The following SP4 variants were observed in gnomAD, a reference collection of about 807,000 sequenced individuals.
The protein encoded by SP4 is Sp4 transcription factor, also known as transcription factor Sp4.
Under a neutral mutation model 72.8 loss-of-function variants are expected in SP4, and 19 were observed. The observed-to-expected ratio is 0.26, with a 90% CI of 0.18 to 0.38. The LOEUF is 0.38. SP4 is among the 10% of genes least tolerant of loss of function. SP4 has a pLI of 1.00. For synonymous variants in SP4, 395 were observed against 333.1 expected, an observed-to-expected ratio of 1.19 and a Z score of -2.02; for missense variants, 1,008 against 926.3, an observed-to-expected ratio of 1.09 and a Z score of -1.14.
intron 5 of SP4, among the ~76,000 whole-genome samples, chr7:21,499,839 A>G (rs1359988442): frequency 1.3e-5 from 2 of 152,288 alleles, no homozygotes; most frequent in African/African-American, 2.4e-5. Flanking sequence ...CTTAGTTTTG[A>G]GAGTAGCAAT....
chr7:21,443,564 C>G (rs960761684), intron 3 of SP4, among the ~76,000 whole-genome samples: 1 of 152,106 alleles, frequency 6.6e-6, no homozygotes, highest in Admixed American at 6.6e-5. Context: ...AATAATGAGT[C>G]AAGTCACCAT....
chr7:21,502,225 C>G (rs995110107), intron 5 of SP4, among the ~76,000 whole-genome samples: 1 of 152,138 alleles, frequency 6.6e-6, no homozygotes, highest in Non-Finnish European at 1.5e-5. Context: ...AACTTATCAT[C>G]CTTTTTTCCC....
At chr7:21,465,581 A>G (rs1784142022) in intron 3 of SP4, among the ~76,000 whole-genome samples, 1 of 152,210 alleles carries the variant, frequency 6.6e-6, no homozygotes, top group Non-Finnish European at 1.5e-5. Context: ...ATTGTGTGGC[A>G]GGTATTCTGG....
intron 5 of SP4, among the ~76,000 whole-genome samples, chr7:21,482,972 A>T (rs76605058): frequency 1.4e-4 from 22 of 152,242 alleles, no homozygotes; most frequent in Non-Finnish European, 2.5e-4. Flanking sequence ...TGATGAGAAC[A>T]TGTGTGAGAA....
chr7:21,438,856 TCA>T (rs1436963714), intron 3 of SP4, among the ~76,000 whole-genome samples: 3 of 152,244 alleles, frequency 2.0e-5, no homozygotes, highest in Non-Finnish European at 2.9e-5. Flanking sequence ...TGCTGTGGTA[TCA>T]CAGTGTGTTC....
At chr7:21,459,742 A>G (rs1783893314) in intron 3 of SP4, among the ~76,000 whole-genome samples, 1 of 152,102 alleles carries the variant, frequency 6.6e-6, no homozygotes, top group South Asian at 2.1e-4. Flanking sequence ...TATCCATTTA[A>G]TTGTTAGTGG....
intron 3 of SP4, among the ~76,000 whole-genome samples, chr7:21,471,851 G>A (rs1351663529): frequency 6.6e-6 from 1 of 151,970 alleles, no homozygotes; most frequent in African/African-American, 2.4e-5. Flanking sequence ...TAAAAATTTG[G>A]GACAGTAATA....
chr7:21,438,153 C>G (rs1311428496), intron 3 of SP4, among the ~76,000 whole-genome samples: 1 of 152,050 alleles, frequency 6.6e-6, no homozygotes, highest in Non-Finnish European at 1.5e-5. Flanking sequence ...ATTGGATGTT[C>G]ATCGGTCAAA....
chr7:21,445,652 C>A (rs890088804), intron 3 of SP4, among the ~76,000 whole-genome samples: 1 of 152,032 alleles, frequency 6.6e-6, no homozygotes, highest in Admixed American at 6.6e-5. Flanking sequence ...ATGAGAAAAT[C>A]AAGGCTTAGA....
intron 5 of SP4, among the ~76,000 whole-genome samples, chr7:21,485,713 G>A (rs1784796553): frequency 6.6e-6 from 1 of 151,914 alleles, no homozygotes; most frequent in South Asian, 2.1e-4. Flanking sequence ...GTTAGACAAT[G>A]CCTTTTCTTT....
intron 3 of SP4, among the ~76,000 whole-genome samples, chr7:21,432,377 T>G (rs941372095): frequency 6.6e-6 from 1 of 152,242 alleles, no homozygotes; most frequent in African/African-American, 2.4e-5. Flanking sequence ...GAATGACAGT[T>G]TGCATTGTCA....
Position 21,512,036 on chromosome 7 carries a change from A to G in SP4, c.*767A>G, listed in dbSNP as rs1355797676. The G allele has an allele frequency of 1.3e-5, 2 of 152,634 alleles. No homozygotes were observed. The highest frequency in any genetic ancestry group is 6.5e-5 in the Admixed American group (1 of 15,280). 9.5% of individuals were successfully genotyped at this position (152,634 alleles called of 1,614,324 possible). A position where few individuals can be genotyped will look rare whatever the true frequency, so the allele number is the denominator to read the frequency against. On this transcript the variant is annotated 3_prime_UTR_variant, in exon 6 of 6. Transcript: ENST00000222584. Reference sequence around the variant, plus strand: ...CAAAACTCATCATAGCTTCAGAAAAATAAAATGAGGCATCTTAACATGCAA... The same window carrying G: ...CAAAACTCATCATAGCTTCAGAAAAGTAAAATGAGGCATCTTAACATGCAA...
At chr7:21,464,173 G>A (rs771832978) in intron 3 of SP4, among the ~76,000 whole-genome samples, 48 of 139,020 alleles carry the variant, frequency 3.5e-4, no homozygotes, top group Non-Finnish European at 1.8e-4. Flanking sequence ...CACCCAGGCT[G>A]GAGTGCATGG....
intron 5 of SP4, among the ~76,000 whole-genome samples, chr7:21,485,511 C>A (rs1784790731): frequency 1.3e-5 from 2 of 151,950 alleles, no homozygotes; most frequent in Non-Finnish European, 2.9e-5. Flanking sequence ...GGATGACTGT[C>A]ATGTATCTAA....
chr7:21,438,741 A>T (rs1343077832), intron 3 of SP4, among the ~76,000 whole-genome samples: 1 of 152,166 alleles, frequency 6.6e-6, no homozygotes, highest in African/African-American at 2.4e-5. Context: ...TGCCTTTCTG[A>T]GTAGTGTGGT....
At chr7:21,485,907 C>T (rs572686547) in intron 5 of SP4, among the ~76,000 whole-genome samples, 3 of 151,948 alleles carry the variant, frequency 2.0e-5, no homozygotes, top group Non-Finnish European at 4.4e-5. Flanking sequence ...CTTCTCTGTT[C>T]GTTTTAGATC....
chr7:21,468,755 A>G (rs953026692), intron 3 of SP4, among the ~76,000 whole-genome samples: 3 of 152,080 alleles, frequency 2.0e-5, no homozygotes, highest in Non-Finnish European at 4.4e-5. Flanking sequence ...TTGCCTTACT[A>G]CATTGGCTTA....
rs1782675884 is a variant in SP4, at chr7:21,428,137, GCCT to G, written c.-109_-107del. 1.4e-6 allele frequency: 1 copy of G among 721,242 alleles called. No individual in the cohort carries two copies. Among genetic ancestry groups the G allele is most frequent in the Non-Finnish European group, 2.6e-6 (1 of 389,484 alleles). The allele number at this position is 721,242 out of a possible 1,614,324, so 44.7% of individuals were successfully genotyped here. ...AGAGGCAGAGCCTGTGCCAGCTACA[GCCT>G]CCTCCGAGCCACCGCGGGCGGGCGG... On this transcript the variant is annotated 5_prime_UTR_variant, in exon 1 of 6. Transcript: ENST00000222584.
At chr7:21,451,806 G>A (rs940182147) in intron 3 of SP4, among the ~76,000 whole-genome samples, 9 of 152,164 alleles carry the variant, frequency 5.9e-5, no homozygotes, top group East Asian at 3.9e-4. Flanking sequence ...GGCCAAAAAC[G>A]ACAAGTAGAG....
Sources: gnomAD v4.1 joint callset for allele counts (sites outside exome capture counted in the v4.1 genomes callset) on GRCh38, gnomAD v4.1.1 for gene constraint, MANE v1.5 for transcripts, NCBI Gene and HGNC (gene_info 2026-07-23, HGNC 2026-07-21) for gene names.